KLF12: variants seen among roughly 807,000 people sequenced by gnomAD.
KLF12 encodes KLF transcription factor 12.
KLF12 carries 9 observed loss-of-function variants against 37.8 expected under a neutral mutation model. The ratio of observed to expected loss-of-function variants is 0.24; its 90% CI spans 0.14 to 0.42. KLF12 has a LOEUF of 0.42. Ranked by LOEUF, KLF12 falls within the 10% of genes least tolerant of loss-of-function variation. The probability of loss-of-function intolerance (pLI) is 1.00; values close to 1 mark genes in which losing one functional copy is unlikely to be tolerated. For synonymous variants in KLF12, 208 were observed against 202.1 expected (o/e 1.03, Z -0.25); for missense variants, 411 against 516.0 (o/e 0.80, Z 1.97).
At chr13:74,229,513 A>G in the KLF12 span, among the ~76,000 whole-genome samples, 1 of 152,220 alleles carries the variant, frequency 6.6e-6, no homozygotes, top group African/African-American at 2.4e-5. Context: ...CATGGTAACA[A>G]CAGTTTTTAT....
chr13:74,173,743 A>G, the KLF12 span, among the ~76,000 whole-genome samples: 1 of 152,178 alleles, frequency 6.6e-6, no homozygotes. Flanking sequence ...TTGTTATGGC[A>G]GTTACCTTAT....
intron 3 of KLF12, among the ~76,000 whole-genome samples, chr13:73,889,976 A>G (rs1359911856): frequency 6.6e-6 from 1 of 152,162 alleles, no homozygotes; most frequent in African/African-American, 2.4e-5. Flanking sequence ...CCTCTAAGTA[A>G]TTATATGACT....
chr13:74,162,062 G>A, the KLF12 span, among the ~76,000 whole-genome samples: 1 of 152,092 alleles, frequency 6.6e-6, no homozygotes, highest in Non-Finnish European at 1.5e-5. Context: ...ATTCCATGGT[G>A]GAATGGAACA....
At chr13:73,696,842 C>T (rs189488168) in intron 7 of KLF12, among the ~76,000 whole-genome samples, 105 of 152,216 alleles carry the variant, frequency 6.9e-4, no homozygotes, top group Non-Finnish European at 1.1e-3. Flanking sequence ...TAATTCTTAC[C>T]CCATCTAAAT....
chr13:74,084,086 T>C (rs1233433238), intron 1 of KLF12, among the ~76,000 whole-genome samples: 1 of 152,206 alleles, frequency 6.6e-6, no homozygotes, highest in Non-Finnish European at 1.5e-5. Flanking sequence ...ACCGAACAAG[T>C]ACGTGAGGTT....
intron 1 of KLF12, among the ~76,000 whole-genome samples, chr13:74,112,384 TTGTCTGTGTGTGTGTGTGTGTG>T (rs1877031036): frequency 6.9e-6 from 1 of 145,284 alleles, no homozygotes; most frequent in Admixed American, 6.8e-5. Context: ...TTTGCAGATA[TTGTCTGTGTGTGTGTGTGTGTG>T]TGTGTGTGTG....
chr13:74,292,216 G>A, the KLF12 span, among the ~76,000 whole-genome samples: 1 of 152,132 alleles, frequency 6.6e-6, no homozygotes, highest in African/African-American at 2.4e-5. Context: ...GTAACAGCAT[G>A]GTGTTGAGTA....
chr13:73,822,915 A>G (rs775737821), intron 4 of KLF12, among the ~76,000 whole-genome samples: 1 of 152,232 alleles, frequency 6.6e-6, no homozygotes, highest in South Asian at 2.1e-4. Flanking sequence ...TTCATTCATT[A>G]TAACTGCTCC....
chr13:74,063,669 G>C (rs1408488525), intron 1 of KLF12, among the ~76,000 whole-genome samples: 3 of 152,136 alleles, frequency 2.0e-5, no homozygotes, highest in Non-Finnish European at 4.4e-5. Flanking sequence ...TGTAATCACA[G>C]CAAACTTTAG....
chr13:74,302,434 G>A, the KLF12 span, among the ~76,000 whole-genome samples: 1 of 152,124 alleles, frequency 6.6e-6, no homozygotes, highest in East Asian at 1.9e-4. Context: ...ACTGCATATT[G>A]GCAATTACAG....
chr13:73,874,379 A>C (rs1886606699), intron 3 of KLF12, among the ~76,000 whole-genome samples: 1 of 152,236 alleles, frequency 6.6e-6, no homozygotes. Flanking sequence ...ACGTTTAAGC[A>C]ATTACGCACT....
chr13:73,970,803 TA>T (rs1342969264), intron 2 of KLF12, among the ~76,000 whole-genome samples: 1 of 152,216 alleles, frequency 6.6e-6, no homozygotes, highest in Non-Finnish European at 1.5e-5. Flanking sequence ...TGTACCCAAA[TA>T]AATCGTTTGT....
intron 7 of KLF12, among the ~76,000 whole-genome samples, chr13:73,707,418 T>G (rs977403273): frequency 1.1e-4 from 16 of 152,284 alleles, no homozygotes; most frequent in Middle Eastern, 3.4e-3. Context: ...TTTGGTGATA[T>G]TTCTATTATA....
chr13:74,305,193 A>T, the KLF12 span, among the ~76,000 whole-genome samples: 1 of 152,078 alleles, frequency 6.6e-6, no homozygotes, highest in Admixed American at 6.6e-5. Flanking sequence ...TGATATCAAT[A>T]ACAGTTTTTT....
At chr13:74,253,123 A>G in the KLF12 span, among the ~76,000 whole-genome samples, 2 of 152,166 alleles carry the variant, frequency 1.3e-5, no homozygotes, top group African/African-American at 4.8e-5. Context: ...CATCATCTGT[A>G]TTTCTAGAGA....
intron 2 of KLF12, among the ~76,000 whole-genome samples, chr13:73,984,774 G>T (rs971362192): frequency 2.0e-5 from 3 of 152,180 alleles, no homozygotes; most frequent in Admixed American, 1.3e-4. Context: ...ACTAGTTCCA[G>T]AAAAACAAAA....
chr13:74,035,270 T>C (rs1214501823), intron 1 of KLF12, among the ~76,000 whole-genome samples: 2 of 152,260 alleles, frequency 1.3e-5, no homozygotes, highest in Non-Finnish European at 2.9e-5. Context: ...ACAATGCAGA[T>C]GCTACATACA....
chr13:74,143,745 G>A, the KLF12 span, among the ~76,000 whole-genome samples: 66 of 152,282 alleles, frequency 4.3e-4, no homozygotes, highest in African/African-American at 1.6e-3. Flanking sequence ...AAAGGGATAT[G>A]CATTCAGTAG....
the KLF12 span, among the ~76,000 whole-genome samples, chr13:74,196,252 A>G: frequency 1.3e-4 from 20 of 152,102 alleles, no homozygotes; most frequent in Admixed American, 7.9e-4. Flanking sequence ...TGCTCTGGAA[A>G]TTAGGACTCT....
Sources: gnomAD v4.1 joint callset for allele counts (sites outside exome capture counted in the v4.1 genomes callset) on GRCh38, gnomAD v4.1.1 for gene constraint, MANE v1.5 for transcripts, NCBI Gene and HGNC (gene_info 2026-07-23, HGNC 2026-07-21) for gene names.